WDR27: variants seen among roughly 807,000 people sequenced by gnomAD.
WDR27 encodes WD repeat-containing protein 27.
WDR27 carries 100 observed loss-of-function variants against 114.4 expected under a neutral mutation model. That is an observed-to-expected ratio of 0.87 (90% CI 0.74 to 1.03). WDR27 has a LOEUF of 1.03. Ranked by LOEUF, WDR27 falls within the 50% of genes least tolerant of loss-of-function variation. WDR27 has a pLI of 0.00. For missense variants in WDR27, 1,129 were observed against 1,092.9 expected, an observed-to-expected ratio of 1.03 and a Z score of -0.47; for synonymous variants, 449 against 423.1, an observed-to-expected ratio of 1.06 and a Z score of -0.75.
chr6:169,562,026 C>T (rs1028512717), intron 25 of WDR27, among the ~76,000 whole-genome samples: 9 of 152,078 alleles, frequency 5.9e-5, no homozygotes, highest in African/African-American at 1.9e-4. Context: ...ATAACCCAAA[C>T]CTAATAAAGT....
chr6:169,499,291 G>A (rs1388276251), intron 25 of WDR27, among the ~76,000 whole-genome samples: 1 of 152,220 alleles, frequency 6.6e-6, no homozygotes, highest in Non-Finnish European at 1.5e-5. Flanking sequence ...GCGGAGCTGC[G>A]CTGTTCCCAA....
At chr6:169,689,975 T>C (rs1323057566) in intron 1 of WDR27, among the ~76,000 whole-genome samples, 2 of 151,848 alleles carry the variant, frequency 1.3e-5, no homozygotes, top group African/African-American at 4.8e-5. Context: ...GTCATGTGGA[T>C]TCACAGGATC....
intron 3 of WDR27, 151 bp from the exon 4 acceptor site, chr6:169,670,844 C>A (rs1778544756): frequency 3.7e-6 from 4 of 1,091,844 alleles, no homozygotes; most frequent in Admixed American, 2.5e-5. Flanking sequence ...TTAAGAATAT[C>A]AAAAATACTG....
intron 25 of WDR27, among the ~76,000 whole-genome samples, chr6:169,496,629 C>A (rs1224313567): frequency 2.0e-5 from 3 of 151,966 alleles, no homozygotes; most frequent in Admixed American, 6.6e-5. Flanking sequence ...AACTCAATTG[C>A]GTTTGAATAT....
chr6:169,626,313 A>AG (rs1359103856), intron 21 of WDR27, among the ~76,000 whole-genome samples: 2 of 152,052 alleles, frequency 1.3e-5, no homozygotes, highest in African/African-American at 2.4e-5. Context: ...AGGGTGACAG[A>AG]GGGGGGCTGT....
intron 1 of WDR27, among the ~76,000 whole-genome samples, chr6:169,696,053 T>C (rs906528676): frequency 6.6e-6 from 1 of 152,148 alleles, no homozygotes; most frequent in Non-Finnish European, 1.5e-5. Flanking sequence ...ATTTGTGACC[T>C]CCAGAACCGT....
chr6:169,571,037 G>A (rs1181842265), intron 25 of WDR27, among the ~76,000 whole-genome samples: 1 of 152,274 alleles, frequency 6.6e-6, no homozygotes. Context: ...TTCTTAGAAA[G>A]AAATAGTGCA....
intron 25 of WDR27, among the ~76,000 whole-genome samples, chr6:169,490,742 C>A (rs1789646053): frequency 1.3e-5 from 2 of 152,222 alleles, no homozygotes; most frequent in South Asian, 4.2e-4. Flanking sequence ...TTCAAACAGG[C>A]AGAGAATGAA....
chr6:169,662,734 T>TC (rs530783697), intron 8 of WDR27, among the ~76,000 whole-genome samples: 27 of 69,906 alleles, frequency 3.9e-4, no homozygotes, highest in Admixed American at 9.6e-4. Context: ...CACCGCGGAG[T>TC]ACTCAGATCA....
intron 21 of WDR27, among the ~76,000 whole-genome samples, chr6:169,620,338 G>T (rs1812806848): frequency 6.6e-6 from 1 of 152,176 alleles, no homozygotes; most frequent in South Asian, 2.1e-4. Context: ...AGAAGCTACA[G>T]ACCTCCCTCA....
At chr6:169,572,580 T>G (rs1584304500) in intron 24 of WDR27, 40 bp from the exon 25 acceptor site, 1 of 147,096 alleles carries the variant, frequency 6.8e-6, no homozygotes, top group East Asian at 2.1e-4. Flanking sequence ...TTAGAAGAAT[T>G]CCAATACCTA....
rs184931481 is a variant in WDR27 at position 169,591,481 on chromosome 6, G to A, written c.2425-8547C>T. Among the ~76,000 whole-genome samples the A allele has an allele frequency of 8.8e-3, 1,347 of 152,270 alleles. 4 individuals carry two copies. Among genetic ancestry groups the A allele is most frequent in the Non-Finnish European group, 0.014 (925 of 68,034 alleles). On this transcript the variant is annotated intron_variant, in intron 23 of 25. Transcript: ENST00000448612. ...ATTTGGTTTACTTAAAATACAGTCC[G>A]AACAGGAAAGGCAGACAAATGTTTA...
intron 25 of WDR27, chr6:169,558,443 C>A (rs1013875701): frequency 7.9e-5 from 12 of 152,124 alleles, no homozygotes; most frequent in Non-Finnish European, 1.6e-4. Flanking sequence ...GAATAAGCAC[C>A]AGGCTCCCAT....
At chr6:169,651,844 GATGT>G in intron 14 of WDR27, 82 bp downstream of exon 14, 1 of 1,195,306 alleles carries the variant, frequency 8.4e-7, no homozygotes. Context: ...GGCCCTCGGG[GATGT>G]ATGTGTGTCC....
At chr6:169,446,115 G>T in the WDR27 span, among the ~76,000 whole-genome samples, 2 of 152,262 alleles carry the variant, frequency 1.3e-5, no homozygotes, top group Non-Finnish European at 2.9e-5. Context: ...CGGCCCGGAC[G>T]GAGGGCGAGC....
At chr6:169,589,550 C>T (rs1805303293) in intron 23 of WDR27, among the ~76,000 whole-genome samples, 1 of 152,158 alleles carries the variant, frequency 6.6e-6, no homozygotes, top group Non-Finnish European at 1.5e-5. Flanking sequence ...CCTTTTGTTT[C>T]CTCAGTGAGA....
Position 169,541,061 on chromosome 6 carries a change from A to G in WDR27, c.2645+31358T>C, listed in dbSNP as rs1020724163. On this transcript the variant is annotated intron_variant, in intron 25 of 25. Transcript: ENST00000448612. ...AAATAAGCCTCCCTCGGAATTTACA[A>G]TAAATTGCAAGGTGAACAAGGAAAA... is the stretch of plus-strand genomic sequence containing the variant. Among the ~76,000 whole-genome samples, 6 of 152,288 alleles carry G rather than the reference A, an allele frequency of 3.9e-5. No individual in the cohort carries two copies. The East Asian group carries it at 9.7e-4, about 25-fold the overall frequency.
chr6:169,573,388 AC>A (rs1801761210), intron 24 of WDR27, among the ~76,000 whole-genome samples: 1 of 152,204 alleles, frequency 6.6e-6, no homozygotes, highest in Non-Finnish European at 1.5e-5. Flanking sequence ...ATTACAGTTG[AC>A]CCCTGAACAA....
At chr6:169,486,585 G>A (rs112444355) in intron 25 of WDR27, among the ~76,000 whole-genome samples, 1,993 of 152,206 alleles carry the variant, frequency 0.013, 42 homozygotes, top group African/African-American at 0.041. Flanking sequence ...TCCACCTCCC[G>A]GGTCCAAGCA....
Sources: gnomAD v4.1 joint callset for allele counts (sites outside exome capture counted in the v4.1 genomes callset) on GRCh38, gnomAD v4.1.1 for gene constraint, MANE v1.5 for transcripts, NCBI Gene and HGNC (gene_info 2026-07-23, HGNC 2026-07-21) for gene names.